Variants in ETV6 observed in about 807,000 individuals in gnomAD.
ETV6 encodes ETS variant transcription factor 6, also known as transcription factor ETV6.
Under a neutral mutation model 51.1 loss-of-function variants are expected in ETV6, and 16 were observed. The observed-to-expected ratio is 0.31, with a 90% confidence interval of 0.21 to 0.48. The LOEUF is 0.48. Ranked by LOEUF, ETV6 falls within the 20% of genes least tolerant of loss-of-function variation. The pLI, the probability that ETV6 is intolerant of heterozygous loss-of-function variation, is 0.99. For synonymous variants in ETV6, 240 were observed against 224.1 expected (o/e 1.07, Z -0.64); for missense variants, 458 against 594.8 (o/e 0.77, Z 2.39).
At chr12:11,663,710 A>T (rs983932452) in intron 1 of ETV6, among the ~76,000 whole-genome samples, 3 of 152,036 alleles carry the variant, frequency 2.0e-5, no homozygotes, top group Admixed American at 1.3e-4. Flanking sequence ...ATGTGTACAT[A>T]TTGTACATTT....
chr12:11,822,962 A>G (rs1445390515), intron 2 of ETV6, among the ~76,000 whole-genome samples: 1 of 152,210 alleles, frequency 6.6e-6, no homozygotes, highest in African/African-American at 2.4e-5. Flanking sequence ...CCATTTTTAA[A>G]AATTATCAGT....
At chr12:11,731,953 C>T (rs1865608125) in intron 1 of ETV6, among the ~76,000 whole-genome samples, 1 of 152,100 alleles carries the variant, frequency 6.6e-6, no homozygotes, top group Non-Finnish European at 1.5e-5. Flanking sequence ...TACTGAAAAC[C>T]CCACATCCCC....
At chr12:11,706,827 G>A (rs115683425) in intron 1 of ETV6, among the ~76,000 whole-genome samples, 162 of 152,320 alleles carry the variant, frequency 1.1e-3, no homozygotes, top group African/African-American at 3.7e-3. Flanking sequence ...AAATGGAATC[G>A]AGGTGAAATC....
chr12:11,776,347 A>G (rs938840142), intron 2 of ETV6, among the ~76,000 whole-genome samples: 6 of 152,154 alleles, frequency 3.9e-5, no homozygotes, highest in African/African-American at 1.4e-4. Context: ...AACAAATACT[A>G]GAAATGTTGA....
rs566864274 is a variant in ETV6, at chr12:11,703,031, G to C, written c.34-49419G>C. Among the ~76,000 whole-genome samples the C allele has an allele frequency of 3.3e-5, 5 of 152,252 alleles. No homozygotes were observed. In the East Asian group the frequency reaches 5.8e-4, roughly 18 times the overall value. The stretch of plus-strand genomic sequence containing the variant: ...TGAGGTGGGAGGATGACCTGAGTCC[G>C]GAGAGGTTGAGGCTGCAGTGAGTCA... On this transcript the variant is annotated intron_variant, in intron 1 of 7. Coordinates refer to ENST00000396373, the MANE Select transcript of ETV6 (RefSeq NM_001987.5).
chr12:11,864,247 A>C (rs1946760251), intron 4 of ETV6, among the ~76,000 whole-genome samples: 1 of 152,210 alleles, frequency 6.6e-6, no homozygotes, highest in African/African-American at 2.4e-5. Context: ...GCCTGCCCTG[A>C]GTGCACACCC....
Position 11,824,887 on chromosome 12 carries a change from A to G in ETV6, c.164-14253A>G, listed in dbSNP as rs999172322. 2.6e-5 allele frequency among the ~76,000 whole-genome samples: 4 copies of G among 152,366 alleles called. 1 individual carries two copies. In the Middle Eastern group the frequency reaches 0.01, roughly 389 times the overall value. ...CAGCTGCCATTTATTTGAATGCTACATGAAAACAATAGAAGAGAGGGTTTG... is the reference window on the plus strand; with the variant it reads ...CAGCTGCCATTTATTTGAATGCTACGTGAAAACAATAGAAGAGAGGGTTTG... On this transcript the variant is annotated intron_variant, in intron 2 of 7. Coordinates refer to ENST00000396373, the MANE Select transcript of ETV6 (RefSeq NM_001987.5).
intron 1 of ETV6, among the ~76,000 whole-genome samples, chr12:11,735,050 G>T (rs181430599): frequency 1.3e-5 from 2 of 148,192 alleles, no homozygotes; most frequent in Admixed American, 1.3e-4. Context: ...GTAATTTATG[G>T]CATGTGTCCC....
At chr12:11,850,372 C>T (rs1041704119) in intron 3 of ETV6, among the ~76,000 whole-genome samples, 1 of 152,196 alleles carries the variant, frequency 6.6e-6, no homozygotes, top group African/African-American at 2.4e-5. Flanking sequence ...GTCCAGAGAA[C>T]CCAAGACTAG....
intron 2 of ETV6, among the ~76,000 whole-genome samples, chr12:11,767,454 A>G (rs1279122371): frequency 6.6e-6 from 1 of 152,262 alleles, no homozygotes; most frequent in African/African-American, 2.4e-5. Context: ...CTATGTGTGC[A>G]GCATGGCTCG....
intron 1 of ETV6, among the ~76,000 whole-genome samples, chr12:11,682,252 C>T (rs186927829): frequency 3.9e-5 from 6 of 152,244 alleles, no homozygotes; most frequent in African/African-American, 7.2e-5. Context: ...TTTTAATGAT[C>T]GCCATTCTAA....
intron 3 of ETV6, among the ~76,000 whole-genome samples, chr12:11,841,044 C>T (rs1005213383): frequency 2.6e-5 from 4 of 152,168 alleles, no homozygotes; most frequent in African/African-American, 9.7e-5. Flanking sequence ...TGGGTTTTGA[C>T]TTGATTTGAC....
At chr12:11,774,117 G>A (rs919593285) in intron 2 of ETV6, among the ~76,000 whole-genome samples, 1 of 152,192 alleles carries the variant, frequency 6.6e-6, no homozygotes, top group Non-Finnish European at 1.5e-5. Flanking sequence ...GAAGTTGGCA[G>A]ATCTCAGAAA....
At chr12:11,669,369 CCCTT>C (rs766654752) in intron 1 of ETV6, among the ~76,000 whole-genome samples, 103 of 139,894 alleles carry the variant, frequency 7.4e-4, no homozygotes, top group African/African-American at 3.0e-3. Flanking sequence ...CTCCCTTCCT[CCCTT>C]CCTCCCTCCC....
chr12:11,709,631 T>G (rs1185266354), intron 1 of ETV6, among the ~76,000 whole-genome samples: 4 of 152,248 alleles, frequency 2.6e-5, no homozygotes, highest in Non-Finnish European at 5.9e-5. Context: ...ATATGTATGA[T>G]CAGATATTCT....
At chr12:11,768,046 G>T (rs1945187954) in intron 2 of ETV6, among the ~76,000 whole-genome samples, 1 of 152,078 alleles carries the variant, frequency 6.6e-6, no homozygotes, top group Non-Finnish European at 1.5e-5. Context: ...GCTCATTTAA[G>T]CCATTCCCGT....
intron 2 of ETV6, among the ~76,000 whole-genome samples, chr12:11,812,200 A>G (rs1415231141): frequency 6.6e-6 from 1 of 152,148 alleles, no homozygotes; most frequent in East Asian, 1.9e-4. Context: ...TTTTGGAGAA[A>G]TTGACCGCGT....
In ETV6 at chr12:11,710,571, C is replaced by T. The variant is rs75834848; in HGVS notation, c.34-41879C>T. 8.7e-3 allele frequency among the ~76,000 whole-genome samples: 1,319 copies of T among 152,298 alleles called. 19 individuals carry two copies. The highest frequency in any genetic ancestry group is 0.028 in the African/African-American group (1,183 of 41,548). On this transcript the variant is annotated intron_variant, in intron 1 of 7. Coordinates refer to ENST00000396373, the MANE Select transcript of ETV6 (RefSeq NM_001987.5). ...CCGACTTTAGAGCGCTTGCTTCTGA[C>T]GCTTCTGAAACACATTATGAACTGG...
At chr12:11,784,862 ATTTTTTTTTTTTT>A (rs34004409) in intron 2 of ETV6, among the ~76,000 whole-genome samples, 1 of 85,788 alleles carries the variant, frequency 1.2e-5, no homozygotes, top group East Asian at 3.5e-4. Context: ...TGCCTTGCTA[ATTTTTTTTTTTTT>A]TTTTTTTTTT....
Sources: gnomAD v4.1 joint callset for allele counts (sites outside exome capture counted in the v4.1 genomes callset) on GRCh38, gnomAD v4.1.1 for gene constraint, MANE v1.5 for transcripts, NCBI Gene and HGNC (gene_info 2026-07-23, HGNC 2026-07-21) for gene names.